PSEN2: variants seen among roughly 807,000 people sequenced by gnomAD.
PSEN2 encodes presenilin 2, also known as presenilin-2.
Under a neutral mutation model 49.1 loss-of-function variants are expected in PSEN2, and 32 were observed. The observed-to-expected ratio is 0.65, with a 90% CI of 0.49 to 0.88. The LOEUF is 0.88. Among genes scored for constraint, PSEN2 ranks in the 40% least tolerant of loss-of-function variants. The pLI, the probability that PSEN2 is intolerant of heterozygous loss-of-function variation, is 0.00. For synonymous variants in PSEN2, 255 were observed against 244.0 expected (o/e 1.05, Z -0.42); for missense variants, 522 against 586.9 (o/e 0.89, Z 1.14).
intron 3 of PSEN2, among the ~76,000 whole-genome samples, chr1:226,878,658 A>G (rs1660786692): frequency 6.6e-6 from 1 of 152,156 alleles, no homozygotes; most frequent in Admixed American, 6.5e-5. Flanking sequence ...GACTCCCAGA[A>G]CTGCTCCTCC....
chr1:226,891,506 T>C, intron 10 of PSEN2, 145 bp downstream of exon 10: 1 of 793,606 alleles, frequency 1.3e-6, no homozygotes. Context: ...GCCGGACACA[T>C]GCGGCTTGAA....
intron 2 of PSEN2, among the ~76,000 whole-genome samples, chr1:226,872,216 A>G (rs946380065): frequency 1.4e-4 from 21 of 152,264 alleles, no homozygotes; most frequent in African/African-American, 5.1e-4. Flanking sequence ...CCGTCCCCCC[A>G]AGGGGGGTTT....
intron 12 of PSEN2, among the ~76,000 whole-genome samples, chr1:226,902,602 G>A (rs750505655): frequency 1.3e-5 from 2 of 152,100 alleles, no homozygotes; most frequent in African/African-American, 2.4e-5. Flanking sequence ...TCTGAGCCAC[G>A]GCACAAGACA....
intron 3 of PSEN2, chr1:226,880,865 T>G: frequency 1.4e-6 from 2 of 1,417,144 alleles, no homozygotes; most frequent in South Asian, 2.6e-5. Context: ...CTCACACGTC[T>G]GCTCTCATGG....
chr1:226,887,363 A>G (rs1413737870), intron 6 of PSEN2, among the ~76,000 whole-genome samples: 2 of 152,096 alleles, frequency 1.3e-5, no homozygotes, highest in Non-Finnish European at 2.9e-5. Flanking sequence ...GGCCACGCTG[A>G]GGTCCCAGTG....
intron 5 of PSEN2, 56 bp downstream of exon 5, chr1:226,883,975 T>TGTGGGCTGTGTGGCCGGGGGGG: frequency 7.7e-6 from 1 of 129,696 alleles, no homozygotes; most frequent in South Asian, 7.8e-5. Context: ...TGCCAGGGGG[T>TGTGGGCTGTGTGGCCGGGGGGG]GGGGGGCGCA....
intron 12 of PSEN2, 67 bp downstream of exon 12, chr1:226,894,192 G>A: frequency 8.7e-7 from 1 of 1,149,408 alleles, no homozygotes. Context: ...TTGTGGTGGG[G>A]GCAGGTCTCA....
Position 226,889,008 on chromosome 1 carries a change from A to G in PSEN2, c.746A>G (p.Glu249Gly). 6.2e-7 allele frequency: 1 copy of G among 1,614,054 alleles called. No individual in the cohort carries two copies. The highest frequency in any genetic ancestry group is 1.7e-5 in the Admixed American group (1 of 60,012). Residue 249 changes from glutamate (E) to glycine (G), a missense_variant, in exon 8 of 13, where the codon GAG becomes GGG. Transcript: ENST00000366783. ...CTAGTGTTCATCAAGTACCTCCCAG[A>G]GTGGTCCGCGTGGGTCATCCTGGGC... The part of the protein sequence containing the change: ...MALVFIKYLP[E>G]WSAWVILGAI...
chr1:226,888,056 G>A lies in PSEN2; in HGVS notation c.499-35G>A, dbSNP rs1379557531. 4.4e-6 allele frequency: 7 copies of A among 1,574,658 alleles called. No individual in the cohort carries two copies. In the African/African-American group the frequency reaches 5.4e-5, roughly 12 times the overall value. ...GGGCCTTAGAATTTGTGGCGCTTGG[G>A]GACACCTTGTGATCGTGCAATTTCT... On this transcript the variant is annotated intron_variant, in intron 6 of 12. Coordinates refer to ENST00000366783, the MANE Select transcript of PSEN2 (RefSeq NM_000447.3).
rs371562367 is a variant in PSEN2 at position 226,888,991 on chromosome 1, C to G, written c.729C>G (p.Phe243Leu). 2 of 1,614,164 alleles carry G rather than the reference C, an allele frequency of 1.2e-6. No individual in the cohort carries two copies. The highest frequency in any genetic ancestry group is 1.7e-6 in the Non-Finnish European group (2 of 1,180,014). Residue 243 changes from phenylalanine to leucine, a missense_variant, in exon 8 of 13, where the codon TTC becomes TTG. Transcript: ENST00000366783. ...IMISALMALVFIKYLPEWSAW... is the reference protein window; with the variant it reads ...IMISALMALVLIKYLPEWSAW... ...TCAGTGCGCTCATGGCCCTAGTGTT[C>G]ATCAAGTACCTCCCAGAGTGGTCCG...
At chr1:226,884,320 C>G (rs1661206551) in intron 5 of PSEN2, among the ~76,000 whole-genome samples, 1 of 152,202 alleles carries the variant, frequency 6.6e-6, no homozygotes, top group Admixed American at 6.5e-5. Flanking sequence ...GCAAACAAAT[C>G]ACTTCCTCTC....
chr1:226,891,306 G>C lies in PSEN2; in HGVS notation c.915G>C (p.Ala305=), dbSNP rs75357954. The change falls in exon 10 of 13, where the codon GCG becomes GCC. Residue 305 remains alanine (A), a synonymous_variant. Coordinates refer to ENST00000366783, the MANE Select transcript of PSEN2 (RefSeq NM_000447.3). ...CCATGGTGTGGACGGTTGGCATGGC[G>C]AAGCTGGACCCCTCCTCTCAGGGTG... is the stretch of plus-strand genomic sequence containing the variant. ...SSAMVWTVGM[A]KLDPSSQGAL... is the part of the protein sequence containing the mutation. 2 of 1,613,856 alleles carry C rather than the reference G, an allele frequency of 1.2e-6. No homozygotes were observed. The highest frequency in any genetic ancestry group is 2.7e-5 in the African/African-American group (2 of 74,918).
downstream of PSEN2, chr1:226,897,844 G>GT (rs1662204632): frequency 6.4e-6 from 1 of 155,322 alleles, no homozygotes; most frequent in Admixed American, 6.5e-5. Context: ...GTTTTGTTTT[G>GT]TATGTTGGCA....
intron 4 of PSEN2, 40 bp from the exon 5 acceptor site, chr1:226,883,665 G>A (rs1661141033): frequency 1.3e-6 from 2 of 1,592,512 alleles, no homozygotes; most frequent in African/African-American, 2.7e-5. Context: ...AGGCTGCCGT[G>A]GGGGACATTC....
At chr1:226,881,834 A>G in intron 3 of PSEN2, 54 bp from the exon 4 acceptor site, 1 of 1,611,336 alleles carries the variant, frequency 6.2e-7, no homozygotes, top group South Asian at 1.1e-5. Context: ...TGAGTCCTCC[A>G]CTGCCTTTGT....
intron 8 of PSEN2, 74 bp from the exon 9 acceptor site, chr1:226,889,961 C>T: frequency 8.2e-7 from 1 of 1,215,136 alleles, no homozygotes; most frequent in South Asian, 1.2e-5. Flanking sequence ...CCCGGGGCTC[C>T]TGTGCTACAG....
At chr1:226,884,030 G>A (rs950886774) in intron 5 of PSEN2, 111 bp downstream of exon 5, 11 of 963,406 alleles carry the variant, frequency 1.1e-5, no homozygotes, top group South Asian at 3.0e-5. Flanking sequence ...CACCAGCAGC[G>A]GTAAAGAGCA....
intron 5 of PSEN2, 43 bp downstream of exon 5, chr1:226,883,962 A>C: frequency 2.4e-5 from 5 of 211,072 alleles, no homozygotes; most frequent in African/African-American, 5.8e-5. Context: ...GTGAGGGCTG[A>C]GTTGCCAGGG....
intron 2 of PSEN2, among the ~76,000 whole-genome samples, chr1:226,874,996 G>T (rs1660544268): frequency 1.3e-5 from 2 of 152,222 alleles, no homozygotes; most frequent in South Asian, 4.2e-4. Context: ...CTTTTCCCTG[G>T]CTGCTTCAGG....
Sources: gnomAD v4.1 joint callset for allele counts (sites outside exome capture counted in the v4.1 genomes callset) on GRCh38, gnomAD v4.1.1 for gene constraint, MANE v1.5 for transcripts, NCBI Gene and HGNC (gene_info 2026-07-23, HGNC 2026-07-21) for gene names.